CCSER1: variants seen among roughly 807,000 people sequenced by gnomAD.
The protein encoded by CCSER1 is coiled-coil serine rich protein 1.
A neutral mutation model predicts 82.0 loss-of-function variants in CCSER1; 41 were observed. The ratio of observed to expected loss-of-function variants is 0.50; its 90% CI spans 0.39 to 0.65. CCSER1 has a LOEUF of 0.65. CCSER1 is among the 30% of genes least tolerant of loss of function. CCSER1 has a pLI of 0.00. For missense variants in CCSER1, 1,119 were observed against 1,064.2 expected (o/e 1.05, Z -0.72); for synonymous variants, 414 against 383.9 (o/e 1.08, Z -0.92).
chr4:91,570,722 C>A (rs1578818568), intron 10 of CCSER1, among the ~76,000 whole-genome samples: 2 of 152,268 alleles, frequency 1.3e-5, no homozygotes, highest in South Asian at 4.1e-4. Context: ...CCTCCTAGGC[C>A]TTTGGGTCTG....
At chr4:91,379,878 G>T (rs995560159) in intron 10 of CCSER1, among the ~76,000 whole-genome samples, 1 of 152,094 alleles carries the variant, frequency 6.6e-6, no homozygotes, top group Non-Finnish European at 1.5e-5. Flanking sequence ...TCTCTTGTGG[G>T]CATTAAGTGC....
At chr4:91,342,725 A>G (rs1050031428) in intron 10 of CCSER1, among the ~76,000 whole-genome samples, 3 of 152,182 alleles carry the variant, frequency 2.0e-5, no homozygotes, top group African/African-American at 4.8e-5. Flanking sequence ...AAGTGATTCC[A>G]TATGTCCTTC....
chr4:91,451,538 A>C (rs1423484465), intron 10 of CCSER1, among the ~76,000 whole-genome samples: 1 of 152,024 alleles, frequency 6.6e-6, no homozygotes, highest in African/African-American at 2.4e-5. Context: ...AATAAGGAGA[A>C]TAACCAATCA....
intron 10 of CCSER1, among the ~76,000 whole-genome samples, chr4:91,111,403 C>T (rs1726082548): frequency 6.6e-6 from 1 of 151,804 alleles, no homozygotes; most frequent in South Asian, 2.1e-4. Context: ...GGTATTTAAA[C>T]TAATGTGTAA....
chr4:90,767,829 G>C (rs1751477292), intron 7 of CCSER1, among the ~76,000 whole-genome samples: 1 of 151,494 alleles, frequency 6.6e-6, no homozygotes, highest in East Asian at 2.0e-4. Context: ...CACCATGCCT[G>C]GCTTATTTTT....
chr4:90,347,150 A>G (rs577803788), intron 3 of CCSER1, among the ~76,000 whole-genome samples: 1 of 152,204 alleles, frequency 6.6e-6, no homozygotes, highest in South Asian at 2.1e-4. Flanking sequence ...TAGAAGCACT[A>G]CAGAGTATAA....
chr4:91,177,405 T>C (rs1006402438), intron 10 of CCSER1, among the ~76,000 whole-genome samples: 6 of 152,216 alleles, frequency 3.9e-5, no homozygotes, highest in African/African-American at 1.4e-4. Context: ...CACAAGCTCC[T>C]CTTTGTACGT....
At chr4:90,214,094 G>A (rs561313141) in intron 1 of CCSER1, among the ~76,000 whole-genome samples, 7 of 152,272 alleles carry the variant, frequency 4.6e-5, no homozygotes, top group African/African-American at 1.4e-4. Context: ...ATGTAATGGA[G>A]AAGGAATGCA....
Position 90,376,764 on chromosome 4 carries a change from A to ATTG in CCSER1, c.1510-23272_1510-23271insTTG, listed in dbSNP as rs1748383702. Among the ~76,000 whole-genome samples, 2 of 152,146 alleles carry ATTG rather than the reference A, an allele frequency of 1.3e-5. 1 individual carries two copies. Among genetic ancestry groups the ATTG allele is most frequent in the African/African-American group, 4.8e-5 (2 of 41,446 alleles). On this transcript the variant is annotated intron_variant, in intron 3 of 10. Coordinates refer to ENST00000509176, the MANE Select transcript of CCSER1 (RefSeq NM_001145065.2). ...TCATGGGAAAATTCTCCAAAAGTTA[A>ATTG]GACACTGTAGAAGGAGTTTGATGTT... is the stretch of plus-strand genomic sequence containing the variant.
At chr4:90,612,096 T>C (rs1164244732) in intron 5 of CCSER1, among the ~76,000 whole-genome samples, 2 of 152,074 alleles carry the variant, frequency 1.3e-5, no homozygotes, top group African/African-American at 4.8e-5. Context: ...AAAATGTAAT[T>C]TAAAATTGCT....
chr4:90,704,912 G>T (rs1312932577), intron 6 of CCSER1, among the ~76,000 whole-genome samples: 1 of 152,092 alleles, frequency 6.6e-6, no homozygotes, highest in Non-Finnish European at 1.5e-5. Flanking sequence ...CTTTTAATGG[G>T]TTCGAACTTC....
intron 8 of CCSER1, among the ~76,000 whole-genome samples, chr4:90,836,563 T>C (rs972872910): frequency 7.2e-5 from 11 of 152,150 alleles, no homozygotes; most frequent in African/African-American, 2.7e-4. Context: ...AAATGAAGTT[T>C]AAGTTCATGA....
intron 10 of CCSER1, among the ~76,000 whole-genome samples, chr4:91,106,418 A>T (rs1725619067): frequency 6.6e-6 from 1 of 152,212 alleles, no homozygotes; most frequent in Non-Finnish European, 1.5e-5. Flanking sequence ...AAATTAATAG[A>T]CATACCACAA....
intron 10 of CCSER1, among the ~76,000 whole-genome samples, chr4:91,545,057 C>T (rs1201623023): frequency 6.6e-6 from 1 of 152,170 alleles, no homozygotes. Flanking sequence ...CTCACTGCCA[C>T]CTTACAGTTG....
intron 8 of CCSER1, among the ~76,000 whole-genome samples, chr4:90,896,068 C>CAGCT (rs1204163183): frequency 6.6e-6 from 1 of 151,850 alleles, no homozygotes; most frequent in Non-Finnish European, 1.5e-5. Context: ...GAGGAAGGAA[C>CAGCT]AGCTCTAAAA....
At chr4:90,999,980 G>A (rs948333195) in intron 9 of CCSER1, among the ~76,000 whole-genome samples, 2 of 151,198 alleles carry the variant, frequency 1.3e-5, no homozygotes, top group African/African-American at 4.9e-5. Flanking sequence ...AAAGGAAAGG[G>A]TCCAGTTTCA....
At chr4:90,820,476 T>C (rs1421695369) in intron 8 of CCSER1, among the ~76,000 whole-genome samples, 2 of 152,110 alleles carry the variant, frequency 1.3e-5, no homozygotes, top group African/African-American at 4.8e-5. Flanking sequence ...CCTCACATGA[T>C]AGAAAGGCAG....
At chr4:90,934,265 G>T (rs926055053) in intron 9 of CCSER1, among the ~76,000 whole-genome samples, 2 of 152,034 alleles carry the variant, frequency 1.3e-5, no homozygotes, top group Non-Finnish European at 2.9e-5. Flanking sequence ...TATAATAATT[G>T]TGACGTTATT....
chr4:91,159,088 G>A (rs139788234), intron 10 of CCSER1, among the ~76,000 whole-genome samples: 2,508 of 151,784 alleles, frequency 0.017, 56 homozygotes, highest in Non-Finnish European at 0.025. Context: ...TTAAATTAAG[G>A]ACTTATCTGA....
Sources: gnomAD v4.1 joint callset for allele counts (sites outside exome capture counted in the v4.1 genomes callset) on GRCh38, gnomAD v4.1.1 for gene constraint, MANE v1.5 for transcripts, NCBI Gene and HGNC (gene_info 2026-07-23, HGNC 2026-07-21) for gene names.